The following CELF4 variants were observed in gnomAD, a reference collection of about 807,000 sequenced individuals.
CELF4 encodes the protein CUGBP Elav-like family member 4.
CELF4 carries 18 observed loss-of-function variants against 59.9 expected under a neutral mutation model. That is an observed-to-expected ratio of 0.30 (90% confidence interval 0.21 to 0.45). CELF4 has a LOEUF of 0.45. CELF4 is among the 20% of genes least tolerant of loss of function. The pLI is 1.00. For synonymous variants in CELF4, 261 were observed against 267.1 expected (o/e 0.98, Z 0.22); for missense variants, 456 against 689.0 (o/e 0.66, Z 3.79).
intron 2 of CELF4, among the ~76,000 whole-genome samples, chr18:37,459,599 T>C (rs1386059324): frequency 1.3e-5 from 2 of 151,978 alleles, no homozygotes; most frequent in Non-Finnish European, 2.9e-5. Flanking sequence ...CTCAACTCCA[T>C]GAAGCTCACG....
At chr18:37,386,773 C>T (rs1305642327) in intron 2 of CELF4, among the ~76,000 whole-genome samples, 1 of 152,192 alleles carries the variant, frequency 6.6e-6, no homozygotes, top group Non-Finnish European at 1.5e-5. Context: ...TAAATAGTTT[C>T]CTCTCTAGGG....
intron 1 of CELF4, among the ~76,000 whole-genome samples, chr18:37,557,377 C>G (rs1295279699): frequency 6.6e-6 from 1 of 152,210 alleles, no homozygotes; most frequent in Non-Finnish European, 1.5e-5. Flanking sequence ...GCCCTCGGTG[C>G]ACAACAGTTC....
chr18:37,379,775 T>G (rs1395157336), intron 2 of CELF4, among the ~76,000 whole-genome samples: 3 of 152,160 alleles, frequency 2.0e-5, no homozygotes, highest in Admixed American at 6.5e-5. Context: ...GAGGTTCTCC[T>G]GAGAGTGCTT....
intron 1 of CELF4, among the ~76,000 whole-genome samples, chr18:37,511,992 G>A: frequency 6.6e-6 from 1 of 151,760 alleles, no homozygotes; most frequent in African/African-American, 2.4e-5. Flanking sequence ...ATCAGGCCCA[G>A]AATTTAAAAA....
At chr18:37,347,707 G>T (rs759876446) in intron 2 of CELF4, among the ~76,000 whole-genome samples, 1 of 152,132 alleles carries the variant, frequency 6.6e-6, no homozygotes, top group Non-Finnish European at 1.5e-5. Flanking sequence ...AAGTAGAGGG[G>T]TGCCAAATCC....
At chr18:37,434,027 A>G (rs1156635819) in intron 2 of CELF4, among the ~76,000 whole-genome samples, 2 of 152,228 alleles carry the variant, frequency 1.3e-5, no homozygotes, top group East Asian at 1.9e-4. Context: ...CCCTACACCT[A>G]AGGCCCTACA....
At chr18:37,541,120 A>G (rs2099977467) in intron 1 of CELF4, among the ~76,000 whole-genome samples, 1 of 152,134 alleles carries the variant, frequency 6.6e-6, no homozygotes, top group Non-Finnish European at 1.5e-5. Context: ...GACTTTAAAT[A>G]CCATGACATA....
At chr18:37,375,548 C>T (rs558491036) in intron 2 of CELF4, among the ~76,000 whole-genome samples, 1 of 152,310 alleles carries the variant, frequency 6.6e-6, no homozygotes, top group African/African-American at 2.4e-5. Flanking sequence ...CTATAGCTTA[C>T]TTAACCCTCC....
intron 2 of CELF4, among the ~76,000 whole-genome samples, chr18:37,412,101 C>T (rs1047083526): frequency 1.3e-5 from 2 of 152,204 alleles, no homozygotes; most frequent in Non-Finnish European, 2.9e-5. Context: ...CTGAGTCAGC[C>T]GTCCAGATTT....
At chr18:37,310,043 TCACCCCTGC>T (rs1446689833) in intron 3 of CELF4, among the ~76,000 whole-genome samples, 1 of 151,838 alleles carries the variant, frequency 6.6e-6, no homozygotes, top group Non-Finnish European at 1.5e-5. Context: ...CCAGAGGTCA[TCACCCCTGC>T]CACCTCCTCT....
At chr18:37,267,885 A>C (rs957755994) in intron 8 of CELF4, among the ~76,000 whole-genome samples, 3 of 152,074 alleles carry the variant, frequency 2.0e-5, no homozygotes, top group African/African-American at 7.2e-5. Flanking sequence ...AAAATACAAA[A>C]AAATTAGTGG....
chr18:37,454,970 G>A (rs1047442086), intron 2 of CELF4, among the ~76,000 whole-genome samples: 9 of 152,092 alleles, frequency 5.9e-5, no homozygotes, highest in African/African-American at 1.4e-4. Context: ...CAGCTCTGCC[G>A]TGGCCAAAGT....
chr18:37,450,205 CGTATGTGTGTTAT>C (rs1031884817), intron 2 of CELF4, among the ~76,000 whole-genome samples: 90 of 151,916 alleles, frequency 5.9e-4, no homozygotes, highest in South Asian at 1.0e-3. Flanking sequence ...GGTATATTTT[CGTATGTGTGTTAT>C]GTATGTGTGT....
At chr18:37,287,668 G>T (rs1156768093) in intron 3 of CELF4, among the ~76,000 whole-genome samples, 1 of 152,088 alleles carries the variant, frequency 6.6e-6, no homozygotes, top group Non-Finnish European at 1.5e-5. Context: ...AGCCACCATG[G>T]CCCTCCTGGA....
intron 1 of CELF4, among the ~76,000 whole-genome samples, chr18:37,544,466 G>A (rs963980193): frequency 6.6e-6 from 1 of 152,098 alleles, no homozygotes; most frequent in East Asian, 1.9e-4. Flanking sequence ...CTGGGAAGCT[G>A]TGTGAGGTGC....
At chr18:37,267,112 T>C (rs2078048005) in intron 8 of CELF4, among the ~76,000 whole-genome samples, 1 of 152,216 alleles carries the variant, frequency 6.6e-6, no homozygotes, top group Admixed American at 6.5e-5. Flanking sequence ...TCAGGGAAGC[T>C]GCACCAGGCA....
At chr18:37,255,782 G>A (rs1331137719) in intron 11 of CELF4, among the ~76,000 whole-genome samples, 2 of 152,152 alleles carry the variant, frequency 1.3e-5, no homozygotes, top group Non-Finnish European at 2.9e-5. Context: ...GGGACATGCT[G>A]CCCCTCATTC....
chr18:37,445,277 C>T (rs1445448096), intron 2 of CELF4, among the ~76,000 whole-genome samples: 3 of 152,190 alleles, frequency 2.0e-5, no homozygotes, highest in East Asian at 1.9e-4. Context: ...TGCTGGACAT[C>T]CTGCCCCAGA....
chr18:37,562,245 C>T (rs1048428500), intron 1 of CELF4, among the ~76,000 whole-genome samples: 6 of 152,218 alleles, frequency 3.9e-5, no homozygotes, highest in Non-Finnish European at 7.3e-5. Flanking sequence ...GTGCACTCTA[C>T]GCATGGCAGG....
Sources: gnomAD v4.1 joint callset for allele counts (sites outside exome capture counted in the v4.1 genomes callset) on GRCh38, gnomAD v4.1.1 for gene constraint, MANE v1.5 for transcripts, NCBI Gene and HGNC (gene_info 2026-07-23, HGNC 2026-07-21) for gene names.